Variants in CTNNA3 observed in about 807,000 individuals in gnomAD.
The protein encoded by CTNNA3 is catenin alpha-3.
CTNNA3 carries 76 observed loss-of-function variants against 95.7 expected under a neutral mutation model. That is an observed-to-expected ratio of 0.79 (90% CI 0.66 to 0.96). The LOEUF is 0.96. CTNNA3 is among the 40% of genes least tolerant of loss of function. The pLI, the probability that CTNNA3 is intolerant of heterozygous loss-of-function variation, is 0.00. For missense variants in CTNNA3, 1,191 were observed against 1,089.8 expected, an observed-to-expected ratio of 1.09 and a Z score of -1.31; for synonymous variants, 431 against 374.4, an observed-to-expected ratio of 1.15 and a Z score of -1.74.
chr10:67,671,277 A>AG (rs1216506033), intron 1 of CTNNA3, among the ~76,000 whole-genome samples: 1 of 152,176 alleles, frequency 6.6e-6, no homozygotes. Context: ...CTTACTGCAA[A>AG]GCTGAAGAGG....
intron 3 of CTNNA3, among the ~76,000 whole-genome samples, chr10:67,598,097 T>C (rs937731695): frequency 6.6e-6 from 1 of 152,004 alleles, no homozygotes; most frequent in African/African-American, 2.4e-5. Flanking sequence ...CCCTGTTCTG[T>C]CTAGATCTGA....
At chr10:67,025,786 T>C (rs4484988) in intron 7 of CTNNA3, among the ~76,000 whole-genome samples, 133,160 of 151,780 alleles carry the variant, frequency 0.88, 59,430 homozygotes, top group South Asian at 0.97. Flanking sequence ...ATACTGATGA[T>C]CGCTATAAAG....
intron 10 of CTNNA3, among the ~76,000 whole-genome samples, chr10:66,592,733 G>A (rs1843594195): frequency 6.6e-6 from 1 of 152,088 alleles, no homozygotes; most frequent in Admixed American, 6.5e-5. Context: ...AAAAGGAGAT[G>A]GGAATTGATA....
chr10:66,877,791 A>G (rs1268046450), intron 7 of CTNNA3, among the ~76,000 whole-genome samples: 4 of 152,130 alleles, frequency 2.6e-5, no homozygotes, highest in African/African-American at 9.7e-5. Context: ...GTAATTTTAG[A>G]TCCTATGCAA....
At chr10:67,366,584 T>C (rs2132687585) in intron 5 of CTNNA3, among the ~76,000 whole-genome samples, 1 of 151,368 alleles carries the variant, frequency 6.6e-6, no homozygotes, top group South Asian at 2.1e-4. Context: ...GAGGTTGCAG[T>C]GAGCAGGAAT....
chr10:66,816,107 T>C (rs1842070694), intron 7 of CTNNA3, among the ~76,000 whole-genome samples: 1 of 152,182 alleles, frequency 6.6e-6, no homozygotes, highest in Non-Finnish European at 1.5e-5. Flanking sequence ...CTACTATAAT[T>C]AAGTTGCTAT....
intron 1 of CTNNA3, among the ~76,000 whole-genome samples, chr10:67,736,231 C>A (rs962935528): frequency 6.6e-6 from 1 of 151,874 alleles, no homozygotes; most frequent in Non-Finnish European, 1.5e-5. Context: ...ATATGAGAGA[C>A]CTACAGAGAC....
rs769069969 is a variant in CTNNA3, at chr10:66,322,105, C to T, written c.1733-41484G>A. On this transcript the variant is annotated intron_variant, in intron 12 of 17. Transcript: ENST00000433211. The stretch of plus-strand genomic sequence containing the variant: ...TCAGAACAGGCCTCACAGAGGATTT[C>T]GAATCTTTTTCTAAGTTCTGTGGAA... 5.3e-5 allele frequency among the ~76,000 whole-genome samples: 8 copies of T among 152,130 alleles called. No individual in the cohort carries two copies. In the South Asian group the frequency reaches 8.3e-4, roughly 16 times the overall value.
intron 16 of CTNNA3, among the ~76,000 whole-genome samples, chr10:65,972,695 T>C (rs758659186): frequency 2.6e-5 from 4 of 151,952 alleles, no homozygotes; most frequent in Non-Finnish European, 5.9e-5. Flanking sequence ...AAATCATAGA[T>C]GACACAAACA....
intron 5 of CTNNA3, among the ~76,000 whole-genome samples, chr10:67,475,475 A>C (rs747797482): frequency 3.9e-5 from 6 of 152,210 alleles, no homozygotes; most frequent in East Asian, 3.8e-4. Context: ...CCTTCAAAAA[A>C]CACAGCATAC....
At chr10:66,495,214 C>G (rs1381790091) in intron 11 of CTNNA3, among the ~76,000 whole-genome samples, 1 of 151,986 alleles carries the variant, frequency 6.6e-6, no homozygotes, top group Non-Finnish European at 1.5e-5. Context: ...TTTGGCTAGC[C>G]CATAAACTCT....
intron 7 of CTNNA3, among the ~76,000 whole-genome samples, chr10:66,991,307 A>G (rs1851022051): frequency 6.6e-6 from 1 of 152,196 alleles, no homozygotes; most frequent in South Asian, 2.1e-4. Flanking sequence ...CTAAGTGCCA[A>G]TGTCCAGGAA....
intron 11 of CTNNA3, among the ~76,000 whole-genome samples, chr10:66,470,669 G>A (rs898594046): frequency 6.6e-5 from 10 of 151,768 alleles, no homozygotes; most frequent in African/African-American, 2.4e-4. Context: ...CAGCAAAAGA[G>A]ACAGATAAGT....
At chr10:66,528,522 T>C (rs1841349026) in intron 10 of CTNNA3, among the ~76,000 whole-genome samples, 1 of 152,142 alleles carries the variant, frequency 6.6e-6, no homozygotes, top group Non-Finnish European at 1.5e-5. Context: ...CTAAGACCCA[T>C]AAGAGACTCT....
chr10:66,671,435 G>A (rs1168575870), intron 9 of CTNNA3, among the ~76,000 whole-genome samples: 2 of 152,034 alleles, frequency 1.3e-5, no homozygotes, highest in Admixed American at 6.6e-5. Context: ...CCAATTAAAT[G>A]AAGATACTCA....
At chr10:66,166,517 AAG>A (rs1382241222) in intron 13 of CTNNA3, among the ~76,000 whole-genome samples, 6 of 137,912 alleles carry the variant, frequency 4.4e-5, no homozygotes, top group African/African-American at 1.5e-4. Context: ...AAAAAAAAAA[AAG>A]AAGAAGTTTC....
chr10:67,295,795 A>T (rs1840007448), intron 5 of CTNNA3, among the ~76,000 whole-genome samples: 1 of 152,246 alleles, frequency 6.6e-6, no homozygotes, highest in Non-Finnish European at 1.5e-5. Context: ...CTTAAATTAG[A>T]AGACACACAC....
At chr10:66,817,926 A>C (rs184101711) in intron 7 of CTNNA3, among the ~76,000 whole-genome samples, 1 of 152,200 alleles carries the variant, frequency 6.6e-6, no homozygotes, top group East Asian at 1.9e-4. Flanking sequence ...AGAAACACAC[A>C]AAAAGCTTAT....
chr10:67,462,647 C>T (rs988733977), intron 5 of CTNNA3, among the ~76,000 whole-genome samples: 3 of 152,120 alleles, frequency 2.0e-5, no homozygotes, highest in Non-Finnish European at 4.4e-5. Context: ...GAATGAAGCT[C>T]ACATAATAAA....
Sources: allele counts gnomAD v4.1 joint callset (sites outside exome capture counted in the v4.1 genomes callset), GRCh38; gene constraint gnomAD v4.1.1; transcripts MANE v1.5; gene names NCBI Gene and HGNC (gene_info 2026-07-23, HGNC 2026-07-21).